The following ZNF445 variants were observed in gnomAD, a reference collection of about 807,000 sequenced individuals.
The protein encoded by ZNF445 is zinc finger protein 445.
Under a neutral mutation model 93.9 loss-of-function variants are expected in ZNF445, and 19 were observed. That is an observed-to-expected ratio of 0.20 (90% CI 0.14 to 0.30). The LOEUF (loss-of-function observed/expected upper bound fraction) is 0.30. ZNF445 is among the 10% of genes least tolerant of loss of function. The pLI is 1.00. For synonymous variants in ZNF445, 449 were observed against 446.3 expected, an observed-to-expected ratio of 1.01 and a Z score of -0.08; for missense variants, 1,058 against 1,259.4, an observed-to-expected ratio of 0.84 and a Z score of 2.42.
At position 44,433,412 on chromosome 3, in the gene ZNF445, CTG is replaced by C. The variant is rs1337156072; in HGVS notation, c.*13161_*13162del. ...GCCACCGTGCCTGGCCTAAGCCTCA[CTG>C]TTCTTTTCATCTTTCCTGCTGAGAC... is the stretch of plus-strand genomic sequence containing the variant. On this transcript the variant is annotated 3_prime_UTR_variant, in exon 8 of 8. Transcript: ENST00000396077. The C allele has an allele frequency of 1.3e-5, 2 of 152,260 alleles. No individual in the cohort carries two copies. The highest frequency in any genetic ancestry group is 2.9e-5 in the Non-Finnish European group (2 of 68,090). 9.4% of individuals were successfully genotyped at this position (152,260 alleles called of 1,614,324 possible).
intron 1 of ZNF445, among the ~76,000 whole-genome samples, chr3:44,467,049 G>T (rs1698205548): frequency 6.6e-6 from 1 of 152,166 alleles, no homozygotes; most frequent in Non-Finnish European, 1.5e-5. Context: ...CTAAGTGCCA[G>T]TCTCAGATAA....
chr3:44,451,557 C>T (rs907347225), intron 3 of ZNF445, 75 bp from the exon 4 acceptor site: 18 of 1,502,746 alleles, frequency 1.2e-5, no homozygotes, highest in Non-Finnish European at 1.6e-5. Flanking sequence ...ACCACATGAC[C>T]AATCTCTGAA....
chr3:44,432,766 C>G lies in ZNF445; in HGVS notation c.*13809G>C, dbSNP rs1697584862. ...AAATTTACCCTCACACTCCAGTCCT[C>G]CAACATCCCAGCTTCCCTCTTACAT... is the stretch of plus-strand genomic sequence containing the variant. On this transcript the variant is annotated 3_prime_UTR_variant, in exon 8 of 8. Transcript: ENST00000396077. 6.6e-6 allele frequency: 1 copy of G among 152,286 alleles called. No individual in the cohort carries two copies. Among genetic ancestry groups the G allele is most frequent in the South Asian group, 2.1e-4 (1 of 4,832 alleles). 9.4% of individuals were successfully genotyped at this position (152,286 alleles called of 1,614,324 possible). A position where few individuals can be genotyped will look rare whatever the true frequency, so the allele number is the denominator to read the frequency against.
chr3:44,452,701 C>T (rs1203166581), intron 3 of ZNF445, among the ~76,000 whole-genome samples: 1 of 152,026 alleles, frequency 6.6e-6, no homozygotes, highest in Non-Finnish European at 1.5e-5. Context: ...ATTATCAGGT[C>T]CTTTTGAACA....
chr3:44,461,862 T>G (rs1698118843), intron 1 of ZNF445, among the ~76,000 whole-genome samples: 1 of 152,150 alleles, frequency 6.6e-6, no homozygotes, highest in African/African-American at 2.4e-5. Context: ...TAAAGCGGCT[T>G]GAACCCCACA....
In ZNF445 at chr3:44,441,232, T is replaced by C. The variant is rs1407495902; in HGVS notation, c.*5343A>G. The C allele has an allele frequency of 6.6e-6, 1 of 152,226 alleles. No homozygotes were observed. Among genetic ancestry groups the C allele is most frequent in the East Asian group, 1.9e-4 (1 of 5,198 alleles). The allele number at this position is 152,226 out of a possible 1,614,324, so 9.4% of individuals were successfully genotyped here. A position where few individuals can be genotyped will look rare whatever the true frequency, so the allele number is the denominator to read the frequency against. On this transcript the variant is annotated 3_prime_UTR_variant, in exon 8 of 8. Coordinates refer to ENST00000396077, the MANE Select transcript of ZNF445 (RefSeq NM_181489.6). The stretch of plus-strand genomic sequence containing the variant: ...CAGGCCTGCCATGGCGTTTGTAAAC[T>C]GTCATGGCACTGGTGGGAGTGTCTG...
At position 44,455,500 on chromosome 3, in the gene ZNF445, G is replaced by A. The variant is rs780315595; in HGVS notation, c.50C>T (p.Ser17Leu). 6.8e-6 allele frequency: 11 copies of A among 1,611,666 alleles called. No individual in the cohort carries two copies. Among genetic ancestry groups the A allele is most frequent in the African/African-American group, 5.3e-5 (4 of 74,892 alleles). ...HAAYPAQAQS[S>L]RERGRLQTVK... Reference sequence around the variant, plus strand: ...TGTCTGAAGCCGCCCTCGCTCCCTCGAAGACTGGGCCTGAGCTGGATAGGC... The same window carrying A: ...TGTCTGAAGCCGCCCTCGCTCCCTCAAAGACTGGGCCTGAGCTGGATAGGC... Residue 17 changes from serine (S) to leucine (L), a missense_variant, in exon 3 of 8, where the codon TCG becomes TTG. This residue lies in a region of ZNF445 where 657 missense variants were observed against 746.4 expected (regional missense o/e 0.88). Coordinates refer to ENST00000396077, the MANE Select transcript of ZNF445 (RefSeq NM_181489.6).
Position 44,449,603 on chromosome 3 carries a change from C to G in ZNF445, c.841G>C (p.Ala281Pro). ...CTTGCTTCCAACCAGGAGATCAGAG[C>G]AGGTTTGGTGAATGGTCCCACTGCA... ...ASLVGPFTKP[A>P]LISWLEAREP... Residue 281 changes from alanine to proline, a missense_variant, in exon 7 of 8, where the codon GCT (alanine) becomes CCT (proline). Ala to Pro is a conservative substitution (Grantham distance 27). This residue lies in a region of ZNF445 where 657 missense variants were observed against 746.4 expected (regional missense o/e 0.88). Coordinates refer to ENST00000396077, the MANE Select transcript of ZNF445 (RefSeq NM_181489.6). 2 of 1,614,000 alleles carry G rather than the reference C, an allele frequency of 1.2e-6. No homozygotes were observed. Among genetic ancestry groups the G allele is most frequent in the Non-Finnish European group, 1.7e-6 (2 of 1,179,968 alleles).
At chr3:44,474,531 G>A (rs895053169) in intron 1 of ZNF445, among the ~76,000 whole-genome samples, 3 of 151,836 alleles carry the variant, frequency 2.0e-5, no homozygotes, top group African/African-American at 7.3e-5. Flanking sequence ...ACAAAAAACA[G>A]AACAAACAAA....
At chr3:44,463,814 A>G (rs1212749106) in intron 1 of ZNF445, among the ~76,000 whole-genome samples, 1 of 152,136 alleles carries the variant, frequency 6.6e-6, no homozygotes, top group African/African-American at 2.4e-5. Context: ...GTTGCCTTGC[A>G]ATGAAATGCA....
At chr3:44,470,605 G>C (rs1465318137) in intron 1 of ZNF445, among the ~76,000 whole-genome samples, 1 of 152,146 alleles carries the variant, frequency 6.6e-6, no homozygotes, top group African/African-American at 2.4e-5. Flanking sequence ...GAAAAGCAAA[G>C]CAGTTTACAT....
Position 44,450,698 on chromosome 3 carries a change from CCAT to C in ZNF445, c.694-128_694-126del, listed in dbSNP as rs372360776. ...GACCTGGCAAAGGTGAAAGGGAAGA[CCAT>C]CACCCAGCAGAAGACCTCTGGGCTT... On this transcript the variant is annotated intron_variant, in intron 5 of 7. Coordinates refer to ENST00000396077, the MANE Select transcript of ZNF445 (RefSeq NM_181489.6). 77 of 1,392,052 alleles carry C rather than the reference CCAT, an allele frequency of 5.5e-5. No individual in the cohort carries two copies. In the East Asian group the frequency reaches 7.5e-4, roughly 14 times the overall value. The allele number at this position is 1,392,052 out of a possible 1,614,324, so 86.2% of individuals were successfully genotyped here.
At chr3:44,468,308 T>C (rs1055121387) in intron 1 of ZNF445, among the ~76,000 whole-genome samples, 3 of 152,232 alleles carry the variant, frequency 2.0e-5, no homozygotes, top group Non-Finnish European at 4.4e-5. Context: ...GAGATCTAAC[T>C]TAACTAACTC....
rs553843433 is a variant in ZNF445, at chr3:44,445,681, G to A, written c.*894C>T. On this transcript the variant is annotated 3_prime_UTR_variant, in exon 8 of 8. Coordinates refer to ENST00000396077, the MANE Select transcript of ZNF445 (RefSeq NM_181489.6). ...TCTCAGTTGAGGCCCTCCCTGACCA[G>A]ACTATCTAAAATCACGACTGATCTC... 6.6e-6 allele frequency: 1 copy of A among 152,644 alleles called. No homozygotes were observed. Among genetic ancestry groups the A allele is most frequent in the African/African-American group, 2.4e-5 (1 of 41,560 alleles). 9.5% of individuals were successfully genotyped at this position (152,644 alleles called of 1,614,324 possible).
rs562579920 is a variant in ZNF445 at position 44,451,985 on chromosome 3, C to T, written c.430-503G>A. Among the ~76,000 whole-genome samples, 437 of 152,270 alleles carry T rather than the reference C, an allele frequency of 2.9e-3. 3 individuals carry two copies. Among genetic ancestry groups the T allele is most frequent in the African/African-American group, 9.9e-3 (412 of 41,554 alleles). ...GGCAGGCTAGCTCCCAAATTGTAAA[C>T]TTGTTTTTAATAATAACACTGATAG... On this transcript the variant is annotated intron_variant, in intron 3 of 7. Coordinates refer to ENST00000396077, the MANE Select transcript of ZNF445 (RefSeq NM_181489.6).
rs772081933 is a variant in ZNF445, at chr3:44,448,391, T to G, written c.1280A>C (p.His427Pro). The G allele has an allele frequency of 6.2e-7, 1 of 1,614,280 alleles. No individual in the cohort carries two copies. Among genetic ancestry groups the G allele is most frequent in the Non-Finnish European group, 8.5e-7 (1 of 1,180,056 alleles). The stretch of plus-strand genomic sequence containing the variant: ...CTTCCCATATTTCTTGTAGTCATAG[T>G]GGTGTGAACTCATTCTGAAGTGTTT... ...CGKHFRMSSH[H>P]YDYKKYGKGL... The change falls in exon 8 of 8, where the codon CAC becomes CCC. Residue 427 changes from histidine to proline, a missense_variant. Physicochemically the swap from His to Pro is moderately conservative, Grantham distance 77. Around this residue, in one of 3 missense-constraint regions of ZNF445, gnomAD observed 657 missense variants for 746.4 expected, o/e 0.88. Coordinates refer to ENST00000396077, the MANE Select transcript of ZNF445 (RefSeq NM_181489.6).
rs372235067 is a variant in ZNF445, at chr3:44,449,507, A to G, written c.931+6T>C. ...AGCAGGACCTGGCAGGTTCTCTGGA[A>G]CTCACCTGTAGGAGCAGCAACTGGA... On this transcript the variant is annotated splice_donor_region_variant and intron_variant, in intron 7 of 7. Coordinates refer to ENST00000396077, the MANE Select transcript of ZNF445 (RefSeq NM_181489.6). 1.8e-5 allele frequency: 29 copies of G among 1,612,330 alleles called. No individual in the cohort carries two copies. The highest frequency in any genetic ancestry group is 2.5e-5 in the Non-Finnish European group (29 of 1,178,514).
intron 3 of ZNF445, 61 bp from the exon 4 acceptor site, chr3:44,451,543 A>C: frequency 6.4e-7 from 1 of 1,553,024 alleles, no homozygotes; most frequent in Non-Finnish European, 8.8e-7. Context: ...AACTCAGAGA[A>C]GAGACCACAT....
rs2125673810 is a variant in ZNF445 at position 44,436,828 on chromosome 3, A to G, written c.*9747T>C. On this transcript the variant is annotated 3_prime_UTR_variant, in exon 8 of 8. Transcript: ENST00000396077. ...TTCTCAAGTTAAAACAATGAACCACAAATCTCTGCTTAATTATCCCATATC... is the reference window on the plus strand; with the variant it reads ...TTCTCAAGTTAAAACAATGAACCACGAATCTCTGCTTAATTATCCCATATC... The G allele has an allele frequency of 6.6e-6, 1 of 152,300 alleles. No homozygotes were observed. Among genetic ancestry groups the G allele is most frequent in the African/African-American group, 2.4e-5 (1 of 41,564 alleles). The allele number at this position is 152,300 out of a possible 1,614,324, so 9.4% of individuals were successfully genotyped here.
Sources: allele counts gnomAD v4.1 joint callset (sites outside exome capture counted in the v4.1 genomes callset), GRCh38; gene constraint gnomAD v4.1.1; regional missense constraint gnomAD v4.1.1; transcripts MANE v1.5; gene names NCBI Gene and HGNC (gene_info 2026-07-23, HGNC 2026-07-21).